KIAA0825: variants seen among roughly 807,000 people sequenced by gnomAD.
KIAA0825 encodes KIAA0825.
In KIAA0825, 119 loss-of-function variants were observed where a neutral mutation model predicts 147.6. The observed-to-expected ratio is 0.81, with a 90% confidence interval of 0.69 to 0.94. The LOEUF is 0.94. KIAA0825 is among the 40% of genes least tolerant of loss of function. The pLI is 0.00. For synonymous variants in KIAA0825, 470 were observed against 518.1 expected, an observed-to-expected ratio of 0.91 and a Z score of 1.26; for missense variants, 1,381 against 1,472.7, an observed-to-expected ratio of 0.94 and a Z score of 1.02.
intron 5 of KIAA0825, 37 bp downstream of exon 5, chr5:94,520,211 T>G (rs909047359): frequency 6.6e-7 from 1 of 1,518,172 alleles, no homozygotes; most frequent in African/African-American, 1.4e-5. Flanking sequence ...TTAAAAGACT[T>G]AAGTTAAACC....
chr5:94,337,969 C>G (rs933703884), intron 20 of KIAA0825, among the ~76,000 whole-genome samples: 1 of 152,104 alleles, frequency 6.6e-6, no homozygotes, highest in African/African-American at 2.4e-5. Context: ...CTGAAGTAAT[C>G]TGCATAGGAG....
chr5:94,478,384 A>G (rs1762131738), intron 6 of KIAA0825, among the ~76,000 whole-genome samples: 1 of 152,054 alleles, frequency 6.6e-6, no homozygotes, highest in Admixed American at 6.6e-5. Flanking sequence ...CTCTAAGAAC[A>G]TGATTAAAGT....
intron 5 of KIAA0825, among the ~76,000 whole-genome samples, chr5:94,489,525 C>T (rs1489917996): frequency 6.8e-6 from 1 of 146,952 alleles, no homozygotes; most frequent in African/African-American, 2.5e-5. Context: ...ATTTGGGTCT[C>T]AGAAGTCAAC....
Position 94,222,824 on chromosome 5 carries a change from T to C in KIAA0825, c.3711-68700A>G, listed in dbSNP as rs537262541. On this transcript the variant is annotated intron_variant, in intron 20 of 20. Transcript: ENST00000682413. ...ATTATTTTTTGGTAAAAATCATATA[T>C]ATTAAAGCTACATTTTTATTGTATA... Among the ~76,000 whole-genome samples the C allele has an allele frequency of 6.6e-4, 101 of 152,330 alleles. No homozygotes were observed. In the Middle Eastern group the frequency reaches 0.024, roughly 36 times the overall value.
chr5:94,534,930 A>C (rs1430492104), intron 3 of KIAA0825, among the ~76,000 whole-genome samples: 1 of 152,136 alleles, frequency 6.6e-6, no homozygotes, highest in East Asian at 1.9e-4. Context: ...TTTCATTTGT[A>C]AGTTCCTTTG....
intron 20 of KIAA0825, among the ~76,000 whole-genome samples, chr5:94,319,918 C>T (rs1006862188): frequency 6.6e-6 from 1 of 151,926 alleles, no homozygotes; most frequent in African/African-American, 2.4e-5. Context: ...ACCTCCTCTC[C>T]TTTGTCTCTC....
At chr5:94,518,044 T>C (rs74664262) in intron 5 of KIAA0825, among the ~76,000 whole-genome samples, 1 of 152,162 alleles carries the variant, frequency 6.6e-6, no homozygotes, top group African/African-American at 2.4e-5. Context: ...TGCACATCAA[T>C]GTCTGAGCCA....
chr5:94,526,110 T>A (rs1288282393), intron 3 of KIAA0825, among the ~76,000 whole-genome samples: 2 of 152,030 alleles, frequency 1.3e-5, no homozygotes, highest in African/African-American at 4.8e-5. Context: ...GTCCAATTGT[T>A]ATACAAAATA....
intron 14 of KIAA0825, among the ~76,000 whole-genome samples, chr5:94,423,032 T>C (rs981197597): frequency 3.3e-5 from 5 of 152,198 alleles, no homozygotes; most frequent in African/African-American, 1.2e-4. Context: ...TGGGCTTTTC[T>C]CTTCTGGGAT....
chr5:94,499,592 G>A (rs532471345), intron 5 of KIAA0825, among the ~76,000 whole-genome samples: 3 of 148,194 alleles, frequency 2.0e-5, no homozygotes, highest in Non-Finnish European at 3.0e-5. Context: ...ATCTGGGGGG[G>A]GGGGGGGACC....
intron 2 of KIAA0825, among the ~76,000 whole-genome samples, chr5:94,573,087 T>G (rs1167076217): frequency 6.8e-6 from 1 of 147,744 alleles, no homozygotes; most frequent in African/African-American, 2.5e-5. Flanking sequence ...AATACATTAG[T>G]TTGGTTCAGA....
intron 20 of KIAA0825, among the ~76,000 whole-genome samples, chr5:94,304,507 A>C (rs186911260): frequency 5.3e-4 from 81 of 152,182 alleles, no homozygotes; most frequent in African/African-American, 1.9e-3. Context: ...ACAGATCAGA[A>C]GACTCGCCGA....
chr5:94,478,801 G>T (rs1160707010), intron 6 of KIAA0825, among the ~76,000 whole-genome samples: 1 of 152,090 alleles, frequency 6.6e-6, no homozygotes, highest in African/African-American at 2.4e-5. Context: ...GATCCACATA[G>T]AGAAGACTTT....
At chr5:94,548,678 C>G (rs1774935661) in intron 2 of KIAA0825, among the ~76,000 whole-genome samples, 1 of 152,112 alleles carries the variant, frequency 6.6e-6, no homozygotes, top group Non-Finnish European at 1.5e-5. Flanking sequence ...AAATACATTT[C>G]ATCTATAAAG....
intron 20 of KIAA0825, among the ~76,000 whole-genome samples, chr5:94,284,091 G>A (rs1375825067): frequency 6.6e-6 from 1 of 152,106 alleles, no homozygotes; most frequent in East Asian, 1.9e-4. Context: ...AACTTGTATT[G>A]TAAAAAATGT....
At chr5:94,331,877 T>G (rs1303890124) in intron 20 of KIAA0825, among the ~76,000 whole-genome samples, 1 of 152,180 alleles carries the variant, frequency 6.6e-6, no homozygotes, top group Non-Finnish European at 1.5e-5. Context: ...CTGGGCATGG[T>G]GGCTCACACC....
chr5:94,154,797 T>C (rs982482395), intron 20 of KIAA0825, among the ~76,000 whole-genome samples: 4 of 152,180 alleles, frequency 2.6e-5, no homozygotes, highest in African/African-American at 9.7e-5. Flanking sequence ...AAAGTAAATA[T>C]CATCACAATA....
chr5:94,604,551 T>G (rs1210140629), intron 1 of KIAA0825, among the ~76,000 whole-genome samples: 2 of 151,258 alleles, frequency 1.3e-5, no homozygotes, highest in African/African-American at 2.4e-5. Context: ...AGAATGAGAC[T>G]CCATCTCAAA....
intron 5 of KIAA0825, among the ~76,000 whole-genome samples, chr5:94,512,048 T>C (rs754999194): frequency 6.6e-6 from 1 of 152,040 alleles, no homozygotes; most frequent in Non-Finnish European, 1.5e-5. Flanking sequence ...GTGATGCTGA[T>C]GGTAGAAAAT....
Sources: gnomAD v4.1 joint callset for allele counts (sites outside exome capture counted in the v4.1 genomes callset) on GRCh38, gnomAD v4.1.1 for gene constraint, MANE v1.5 for transcripts, NCBI Gene and HGNC (gene_info 2026-07-23, HGNC 2026-07-21) for gene names.